The following NPAS3 variants were observed in gnomAD, a reference collection of about 807,000 sequenced individuals.
NPAS3 encodes the protein neuronal PAS domain-containing protein 3.
A neutral mutation model predicts 73.1 loss-of-function variants in NPAS3; 14 were observed. That is an observed-to-expected ratio of 0.19 (90% confidence interval 0.13 to 0.30). The LOEUF (loss-of-function observed/expected upper bound fraction) is 0.30. NPAS3 is among the 10% of genes least tolerant of loss of function. The probability of loss-of-function intolerance (pLI) is 1.00; values close to 1 mark genes in which losing one functional copy is unlikely to be tolerated. For missense variants in NPAS3, 1,096 were observed against 1,250.0 expected (o/e 0.88, Z 1.86); for synonymous variants, 620 against 541.5 (o/e 1.14, Z -2.01).
At chr14:33,398,216 A>C (rs2047304860) in intron 4 of NPAS3, among the ~76,000 whole-genome samples, 1 of 152,032 alleles carries the variant, frequency 6.6e-6, no homozygotes, top group African/African-American at 2.4e-5. Context: ...CCCGAAGATT[A>C]ATAATATTAA....
At chr14:33,419,865 G>A (rs1014159332) in intron 4 of NPAS3, among the ~76,000 whole-genome samples, 19 of 151,872 alleles carry the variant, frequency 1.3e-4, no homozygotes, top group South Asian at 8.3e-4. Context: ...GTGAGATTGC[G>A]GGAGCAATTG....
intron 1 of NPAS3, among the ~76,000 whole-genome samples, chr14:32,973,173 A>T (rs1217760450): frequency 6.6e-6 from 1 of 152,040 alleles, no homozygotes; most frequent in African/African-American, 2.4e-5. Context: ...GAAAGAGAAG[A>T]CTCTACATAA....
At chr14:33,732,380 G>T (rs1168944448) in intron 6 of NPAS3, among the ~76,000 whole-genome samples, 1 of 152,174 alleles carries the variant, frequency 6.6e-6, no homozygotes, top group African/African-American at 2.4e-5. Flanking sequence ...TAAAGCTGCT[G>T]CTCTCATCTG....
chr14:33,011,703 G>T (rs1227181933), intron 1 of NPAS3, among the ~76,000 whole-genome samples: 1 of 152,152 alleles, frequency 6.6e-6, no homozygotes, highest in Non-Finnish European at 1.5e-5. Flanking sequence ...GTCTTTATGT[G>T]CTACTTACAC....
At chr14:33,684,926 A>T (rs2060046247) in intron 6 of NPAS3, among the ~76,000 whole-genome samples, 1 of 152,224 alleles carries the variant, frequency 6.6e-6, no homozygotes, top group South Asian at 2.1e-4. Context: ...GGATCTGCTC[A>T]TGAAACACAA....
intron 4 of NPAS3, among the ~76,000 whole-genome samples, chr14:33,442,719 A>G (rs965034577): frequency 6.6e-6 from 1 of 152,198 alleles, no homozygotes; most frequent in African/African-American, 2.4e-5. Context: ...GCCATACTGA[A>G]CTGTGAGTCA....
intron 2 of NPAS3, among the ~76,000 whole-genome samples, chr14:33,204,574 G>A (rs576192178): frequency 2.0e-5 from 3 of 152,162 alleles, no homozygotes; most frequent in East Asian, 1.9e-4. Flanking sequence ...TGTAGCTGCC[G>A]TCAGGTTTTC....
chr14:33,463,815 C>T (rs181881795), intron 4 of NPAS3, among the ~76,000 whole-genome samples: 52 of 152,318 alleles, frequency 3.4e-4, no homozygotes, highest in African/African-American at 1.1e-3. Flanking sequence ...GTTGCACTAA[C>T]TGCCGCCACA....
At chr14:33,218,267 G>T (rs2047297139) in intron 3 of NPAS3, among the ~76,000 whole-genome samples, 1 of 152,120 alleles carries the variant, frequency 6.6e-6, no homozygotes, top group African/African-American at 2.4e-5. Context: ...ACTGGTGATA[G>T]GTTAGAAATA....
At chr14:32,953,273 C>T (rs527903660) in intron 1 of NPAS3, among the ~76,000 whole-genome samples, 6 of 152,236 alleles carry the variant, frequency 3.9e-5, no homozygotes, top group South Asian at 2.1e-4. Flanking sequence ...AACCAAACCA[C>T]GTTAGACTTC....
At chr14:33,076,709 A>G (rs976654147) in intron 2 of NPAS3, among the ~76,000 whole-genome samples, 6 of 152,232 alleles carry the variant, frequency 3.9e-5, no homozygotes, top group Non-Finnish European at 7.3e-5. Flanking sequence ...TATTGAGCTG[A>G]AAGGCATAAC....
intron 3 of NPAS3, among the ~76,000 whole-genome samples, chr14:33,280,940 A>G (rs931769326): frequency 1.1e-4 from 17 of 152,194 alleles, no homozygotes; most frequent in African/African-American, 3.1e-4. Flanking sequence ...TGAAAGTAAA[A>G]TACCAAAACT....
At chr14:33,537,220 T>C (rs895902056) in intron 4 of NPAS3, among the ~76,000 whole-genome samples, 5 of 152,140 alleles carry the variant, frequency 3.3e-5, no homozygotes, top group African/African-American at 1.2e-4. Flanking sequence ...AATAAATGAG[T>C]AGATTTTGCC....
chr14:33,291,294 C>T (rs2042089966), intron 3 of NPAS3, among the ~76,000 whole-genome samples: 1 of 151,952 alleles, frequency 6.6e-6, no homozygotes, highest in Admixed American at 6.6e-5. Context: ...GATAGGTGGC[C>T]GTGCCTAACT....
At chr14:32,999,134 G>A (rs1460021840) in intron 1 of NPAS3, among the ~76,000 whole-genome samples, 1 of 152,062 alleles carries the variant, frequency 6.6e-6, no homozygotes, top group Non-Finnish European at 1.5e-5. Flanking sequence ...TGTTGATTGT[G>A]GTAAAAAAAT....
At chr14:33,555,073 T>C (rs1303402111) in intron 4 of NPAS3, among the ~76,000 whole-genome samples, 1 of 152,186 alleles carries the variant, frequency 6.6e-6, no homozygotes, top group Non-Finnish European at 1.5e-5. Context: ...TTCTTGCATG[T>C]GTACCTCATA....
intron 5 of NPAS3, among the ~76,000 whole-genome samples, chr14:33,666,645 A>AT (rs567239214): frequency 1.4e-3 from 209 of 152,052 alleles, no homozygotes; most frequent in South Asian, 0.012. Flanking sequence ...GTGTTGTCAT[A>AT]TTTTTTTTCA....
intron 2 of NPAS3, among the ~76,000 whole-genome samples, chr14:33,074,415 C>T (rs2041587897): frequency 6.6e-6 from 1 of 152,010 alleles, no homozygotes; most frequent in Non-Finnish European, 1.5e-5. Context: ...AGGGATAACA[C>T]ATTCTTTCTT....
chr14:33,756,092 C>T (rs1381292720), intron 7 of NPAS3, among the ~76,000 whole-genome samples: 5 of 152,118 alleles, frequency 3.3e-5, no homozygotes, highest in Admixed American at 2.0e-4. Flanking sequence ...AGGGCAAATA[C>T]CCAAACCATA....
Sources: allele counts gnomAD v4.1 joint callset (sites outside exome capture counted in the v4.1 genomes callset), GRCh38; gene constraint gnomAD v4.1.1; transcripts MANE v1.5; gene names NCBI Gene and HGNC (gene_info 2026-07-23, HGNC 2026-07-21).